CRTAP: variants seen among roughly 807,000 people sequenced by gnomAD.
CRTAP encodes cartilage associated protein, also known as cartilage-associated protein.
Under a neutral mutation model 42.7 loss-of-function variants are expected in CRTAP, and 33 were observed. The ratio of observed to expected loss-of-function variants is 0.77; its 90% CI spans 0.59 to 1.03. The LOEUF is 1.03. Among genes scored for constraint, CRTAP ranks in the 50% least tolerant of loss-of-function variants. The pLI, the probability that CRTAP is intolerant of heterozygous loss-of-function variation, is 0.00. For synonymous variants in CRTAP, 243 were observed against 217.7 expected (o/e 1.12, Z -1.02); for missense variants, 613 against 533.9 (o/e 1.15, Z -1.46).
At chr3:33,139,944 T>G (rs2030529056) in intron 6 of CRTAP, among the ~76,000 whole-genome samples, 2 of 152,246 alleles carry the variant, frequency 1.3e-5, no homozygotes, top group African/African-American at 4.8e-5. Context: ...ATAGCCTTTT[T>G]GTAGGCATTT....
In CRTAP at chr3:33,146,130, TGC is replaced by T. The variant is rs2030713492; in HGVS notation, c.*3683_*3684del. ...CCTCAACCCAACACCTCCCTGAGTGTGCTTCTTGGAAGAGCCTAGAAGATTCC... is the reference window on the plus strand; with the variant it reads ...CCTCAACCCAACACCTCCCTGAGTGTTTCTTGGAAGAGCCTAGAAGATTCC... On this transcript the variant is annotated 3_prime_UTR_variant, in exon 7 of 7. Coordinates refer to ENST00000320954, the MANE Select transcript of CRTAP (RefSeq NM_006371.5). The T allele has an allele frequency of 6.6e-6, 1 of 152,130 alleles. No individual in the cohort carries two copies. The highest frequency in any genetic ancestry group is 2.4e-5 in the African/African-American group (1 of 41,390). 9.4% of individuals were successfully genotyped at this position (152,130 alleles called of 1,614,324 possible).
chr3:33,136,314 G>C lies in CRTAP; in HGVS notation c.1152+2049G>C, dbSNP rs142084597. Among the ~76,000 whole-genome samples the C allele has an allele frequency of 2.8e-3, 426 of 152,212 alleles. 4 individuals carry two copies. The highest frequency in any genetic ancestry group is 9.9e-3 in the African/African-American group (410 of 41,540). On this transcript the variant is annotated intron_variant, in intron 6 of 6. Transcript: ENST00000320954. ...CCATTCTTCAGTTGATGGATGTTTGGGTTGGTTCCACTTTTTGGCTATTTT... is the reference window on the plus strand; with the variant it reads ...CCATTCTTCAGTTGATGGATGTTTGCGTTGGTTCCACTTTTTGGCTATTTT...
At chr3:33,124,615 G>A (rs2030008858) in intron 3 of CRTAP, 36 bp downstream of exon 3, 3 of 1,612,176 alleles carry the variant, frequency 1.9e-6, no homozygotes, top group Admixed American at 1.7e-5. Flanking sequence ...TACTCCCATG[G>A]AATAGTCTTC....
intron 3 of CRTAP, among the ~76,000 whole-genome samples, chr3:33,127,990 C>A (rs2030130052): frequency 6.6e-6 from 1 of 152,052 alleles, no homozygotes. Flanking sequence ...CCAAGTGATC[C>A]GCCCGCCTTG....
intron 5 of CRTAP, among the ~76,000 whole-genome samples, chr3:33,133,095 T>G (rs898670771): frequency 6.6e-6 from 1 of 152,280 alleles, no homozygotes; most frequent in Non-Finnish European, 1.5e-5. Context: ...ATGTGTGTGT[T>G]TTAACATTTT....
intron 6 of CRTAP, among the ~76,000 whole-genome samples, chr3:33,139,772 C>G (rs539310589): frequency 3.1e-4 from 47 of 152,300 alleles, no homozygotes; most frequent in Middle Eastern, 6.8e-3. Flanking sequence ...GCCACCGCAC[C>G]CGGCCTGAAT....
rs1477577223 is a variant in CRTAP at position 33,146,417 on chromosome 3, T to C, written c.*3969T>C. ...GCACCCGCTGGGAAGGGTCTAAAGA[T>C]ACTCCTTGTGGCCACTGCTACTGTT... On this transcript the variant is annotated 3_prime_UTR_variant, in exon 7 of 7. Transcript: ENST00000320954. The C allele has an allele frequency of 1.3e-5, 2 of 152,308 alleles. No homozygotes were observed. Among genetic ancestry groups the C allele is most frequent in the African/African-American group, 2.4e-5 (1 of 41,452 alleles). The allele number at this position is 152,308 out of a possible 1,614,324, so 9.4% of individuals were successfully genotyped here.
rs539321233 is a variant in CRTAP, at chr3:33,146,936, T to C, written c.*4488T>C. ...ACTTAAACTGTAGGGAAAAGGTGGA[T>C]TGGTGCCAGAGAAAACATTATTTAA... On this transcript the variant is annotated 3_prime_UTR_variant, in exon 7 of 7. Transcript: ENST00000320954. The C allele has an allele frequency of 6.4e-4, 97 of 152,398 alleles. 1 individual carries two copies. Among genetic ancestry groups the C allele is most frequent in the African/African-American group, 2.3e-3 (96 of 41,442 alleles). The allele number at this position is 152,398 out of a possible 1,614,324, so 9.4% of individuals were successfully genotyped here.
At chr3:33,124,374 G>A (rs924489146) in intron 2 of CRTAP, 34 bp from the exon 3 acceptor site, 2 of 1,613,022 alleles carry the variant, frequency 1.2e-6, no homozygotes, top group African/African-American at 1.3e-5. Flanking sequence ...TCACGCCCAA[G>A]AGCGAGCTTC....
chr3:33,128,505 A>G (rs1163741208), intron 3 of CRTAP, among the ~76,000 whole-genome samples: 2 of 152,206 alleles, frequency 1.3e-5, no homozygotes, highest in Non-Finnish European at 2.9e-5. Context: ...GGACCGCTAT[A>G]TAAATGTCCT....
At position 33,124,426 on chromosome 3, in the gene CRTAP, G is replaced by C. The variant is rs774191078; in HGVS notation, c.640G>C (p.Val214Leu). ...CTTTCAGAGCCTGTTCATCCGAGCA[G>C]TGCGGGCATACAACGGTGAGAACTG... is the stretch of plus-strand genomic sequence containing the variant. ...KSYESLFIRAVRAYNGENWRT... is the reference protein window; with the variant it reads ...KSYESLFIRALRAYNGENWRT... Residue 214 changes from valine to leucine, a missense_variant, in exon 3 of 7, where the codon GTG becomes CTG. By Grantham distance (32) the Val-to-Leu change is conservative. Coordinates refer to ENST00000320954, the MANE Select transcript of CRTAP (RefSeq NM_006371.5). 1.2e-6 allele frequency: 2 copies of C among 1,614,154 alleles called. No individual in the cohort carries two copies.
intron 6 of CRTAP, 123 bp from the exon 7 acceptor site, chr3:33,142,272 G>GA (rs1488471707): frequency 2.2e-6 from 2 of 929,346 alleles, no homozygotes; most frequent in South Asian, 1.3e-5. Flanking sequence ...CAGACCAGCA[G>GA]AAAAAACCTG....
chr3:33,126,243 C>G (rs1400220370), intron 3 of CRTAP, among the ~76,000 whole-genome samples: 1 of 152,236 alleles, frequency 6.6e-6, no homozygotes, highest in Non-Finnish European at 1.5e-5. Context: ...GTGACTGACT[C>G]ATTTCACTTG....
chr3:33,143,403 G>A lies in CRTAP; in HGVS notation c.*955G>A, dbSNP rs1195000511. ...ATCTCCAAAATTACAACGGTTGGCC[G>A]ATCCCATTTGAGGACAATGCTTAGT... is the stretch of plus-strand genomic sequence containing the variant. On this transcript the variant is annotated 3_prime_UTR_variant, in exon 7 of 7. Coordinates refer to ENST00000320954, the MANE Select transcript of CRTAP (RefSeq NM_006371.5). 3 of 152,212 alleles carry A rather than the reference G, an allele frequency of 2.0e-5. No individual in the cohort carries two copies. Among genetic ancestry groups the A allele is most frequent in the Non-Finnish European group, 4.4e-5 (3 of 68,048 alleles). 9.4% of individuals were successfully genotyped at this position (152,212 alleles called of 1,614,324 possible). A position where few individuals can be genotyped will look rare whatever the true frequency, so the allele number is the denominator to read the frequency against.
rs939604527 is a variant in CRTAP at position 33,142,741 on chromosome 3, G to A, written c.*293G>A. 6.8e-5 allele frequency: 23 copies of A among 335,928 alleles called. No individual in the cohort carries two copies. Among genetic ancestry groups the A allele is most frequent in the African/African-American group, 1.7e-4 (8 of 48,026 alleles). The allele number at this position is 335,928 out of a possible 1,614,324, so 20.8% of individuals were successfully genotyped here. On this transcript the variant is annotated 3_prime_UTR_variant, in exon 7 of 7. Transcript: ENST00000320954. ...ACGTTCTCAGCTCACTGCAACCTCCGCCTCTTGGGTTCAAGCAATTCTGCT... is the reference window on the plus strand; with the variant it reads ...ACGTTCTCAGCTCACTGCAACCTCCACCTCTTGGGTTCAAGCAATTCTGCT...
intron 6 of CRTAP, among the ~76,000 whole-genome samples, chr3:33,134,612 T>C (rs985825126): frequency 1.3e-5 from 2 of 152,210 alleles, no homozygotes; most frequent in Non-Finnish European, 2.9e-5. Context: ...CACCCCAATT[T>C]TTCTGCTAGA....
chr3:33,140,115 A>G (rs1047056627), intron 6 of CRTAP, among the ~76,000 whole-genome samples: 3 of 152,266 alleles, frequency 2.0e-5, no homozygotes, highest in Admixed American at 1.3e-4. Context: ...CAACATATAT[A>G]GAAAGCAAAT....
intron 2 of CRTAP, among the ~76,000 whole-genome samples, chr3:33,124,148 T>C (rs548057570): frequency 6.6e-6 from 1 of 152,338 alleles, no homozygotes; most frequent in Non-Finnish European, 1.5e-5. Flanking sequence ...GTCATAGTTT[T>C]CCCATTTTCC....
rs1362628703 is a variant in CRTAP, at chr3:33,147,069, CCAAA to C, written c.*4624_*4627del. 7 of 152,670 alleles carry C rather than the reference CCAAA, an allele frequency of 4.6e-5. No homozygotes were observed. Among genetic ancestry groups the C allele is most frequent in the Admixed American group, 1.3e-4 (2 of 15,288 alleles). The allele number at this position is 152,670 out of a possible 1,614,324, so 9.5% of individuals were successfully genotyped here. A position where few individuals can be genotyped will look rare whatever the true frequency, so the allele number is the denominator to read the frequency against. On this transcript the variant is annotated 3_prime_UTR_variant, in exon 7 of 7. Transcript: ENST00000320954. ...TGAACTCTTGATCATCTGCCATCCC[CCAAA>C]CAGTGACTTCTTTTTTTCTGGTGAC... is the stretch of plus-strand genomic sequence containing the variant.
Sources: gnomAD v4.1 joint callset for allele counts (sites outside exome capture counted in the v4.1 genomes callset) on GRCh38, gnomAD v4.1.1 for gene constraint, MANE v1.5 for transcripts, NCBI Gene and HGNC (gene_info 2026-07-23, HGNC 2026-07-21) for gene names.